CD207: variants seen among roughly 807,000 people sequenced by gnomAD.
CD207 encodes the protein C-type lectin domain family 4 member K.
Under a neutral mutation model 31.6 loss-of-function variants are expected in CD207, and 28 were observed. The observed-to-expected ratio is 0.89, with a 90% CI of 0.66 to 1.21. CD207 has a LOEUF of 1.21. Among genes scored for constraint, CD207 ranks in the 50% most tolerant of loss-of-function variants. The probability of loss-of-function intolerance (pLI) is 0.00; values close to 1 mark genes in which losing one functional copy is unlikely to be tolerated. For synonymous variants in CD207, 168 were observed against 153.9 expected, an observed-to-expected ratio of 1.09 and a Z score of -0.68; for missense variants, 388 against 397.8, an observed-to-expected ratio of 0.98 and a Z score of 0.21.
At chr2:70,835,044 G>A (rs545255033) in intron 2 of CD207, among the ~76,000 whole-genome samples, 19 of 152,348 alleles carry the variant, frequency 1.2e-4, no homozygotes, top group Admixed American at 2.0e-4. Context: ...TGGCTCGTTG[G>A]CCAGGCTCTC....
downstream of CD207, among the ~76,000 whole-genome samples, chr2:70,826,222 C>CTA (rs1553398868): frequency 6.6e-6 from 1 of 152,020 alleles, no homozygotes; most frequent in Non-Finnish European, 1.5e-5. Flanking sequence ...GCTTTAGAGT[C>CTA]TATGCTGGCA....
At chr2:70,835,212 C>G (rs1389458232) in intron 2 of CD207, among the ~76,000 whole-genome samples, 3 of 152,224 alleles carry the variant, frequency 2.0e-5, no homozygotes, top group Non-Finnish European at 4.4e-5. Flanking sequence ...GGATGTAAAA[C>G]TAGATCAATG....
chr2:70,824,300 T>C, the CD207 span, among the ~76,000 whole-genome samples: 91,179 of 151,162 alleles, frequency 0.6, 27,966 homozygotes, highest in Middle Eastern at 0.7. Context: ...TGGCTTTTAT[T>C]CCGTTCGTCT....
At chr2:70,827,462 C>T (rs1553399035), downstream of CD207, among the ~76,000 whole-genome samples, 1 of 152,220 alleles carries the variant, frequency 6.6e-6, no homozygotes, top group Non-Finnish European at 1.5e-5. Context: ...CATTGCCCTG[C>T]TGGGGGCTAC....
In CD207 at chr2:70,834,033, A is replaced by G. The variant is rs1372896914; in HGVS notation, c.191-13T>C. 2.7e-6 allele frequency: 4 copies of G among 1,503,152 alleles called. No homozygotes were observed. The highest frequency in any genetic ancestry group is 3.5e-6 in the Non-Finnish European group (4 of 1,127,594). The allele number at this position is 1,503,152 out of a possible 1,614,324, so 93.1% of individuals were successfully genotyped here. A position where few individuals can be genotyped will look rare whatever the true frequency, so the allele number is the denominator to read the frequency against. On this transcript the variant is annotated splice_polypyrimidine_tract_variant and intron_variant, in intron 2 of 5. Transcript: ENST00000410009. ...ATAAACCGGGGATCTGGGATTGAGA[A>G]AGTCAGGAGGTCAGCTGAGGGGAGT...
Position 70,835,530 on chromosome 2 carries a change from G to A in CD207, c.151C>T (p.Leu51=). The A allele has an allele frequency of 6.2e-7, 1 of 1,613,930 alleles. No homozygotes were observed. Among genetic ancestry groups the A allele is most frequent in the Non-Finnish European group, 8.5e-7 (1 of 1,179,866 alleles). Residue 51 remains leucine, a synonymous_variant, in exon 2 of 6, where the codon CTG becomes TTG. Coordinates refer to ENST00000410009, the MANE Select transcript of CD207 (RefSeq NM_015717.5). ...AGCAGGACGGAGGCGACCAGGACCAGCGTCAGGCAGATTAATGCAGCACGG... is the reference window on the plus strand; with the variant it reads ...AGCAGGACGGAGGCGACCAGGACCAACGTCAGGCAGATTAATGCAGCACGG... ...TVRAALICLT[L]VLVASVLLQA...
At position 70,831,752 on chromosome 2, in the gene CD207, C is replaced by T; in HGVS notation, c.785G>A (p.Gly262Glu). Residue 262 changes from glycine to glutamate, a missense_variant, in exon 5 of 6, where the codon GGG becomes GAG. Coordinates refer to ENST00000410009, the MANE Select transcript of CD207 (RefSeq NM_015717.5). ...CGTGTCATCCACCCAGGACCAGTCC[C>T]CTTCCATCCCTGCTTTAGTCAGGCC... Reference protein sequence around the residue: ...WIGLTKAGMEGDWSWVDDTPF... With the variant: ...WIGLTKAGMEEDWSWVDDTPF... 3.1e-6 allele frequency: 5 copies of T among 1,613,834 alleles called. No individual in the cohort carries two copies. The highest frequency in any genetic ancestry group is 1.1e-5 in the South Asian group (1 of 91,086).
chr2:70,824,703 A>G, the CD207 span, among the ~76,000 whole-genome samples: 1 of 151,124 alleles, frequency 6.6e-6, no homozygotes, highest in African/African-American at 2.4e-5. Flanking sequence ...CCAATGGCCA[A>G]AGCCAGAGCA....
intron 4 of CD207, among the ~76,000 whole-genome samples, chr2:70,832,387 C>T (rs543211956): frequency 1.3e-5 from 2 of 152,326 alleles, no homozygotes; most frequent in East Asian, 1.9e-4. Flanking sequence ...ATGAAAAGGG[C>T]CTGCCCAATT....
Position 70,831,013 on chromosome 2 carries a change from G to A in CD207, c.*37C>T, listed in dbSNP as rs144452787. On this transcript the variant is annotated 3_prime_UTR_variant, in exon 6 of 6. Transcript: ENST00000410009. ...AGGCATTTCCTCATGTTTAACAAGC[G>A]TTGGAGCTCAAAGAGTGAGCTTGGG... 17,435 of 1,582,048 alleles carry A rather than the reference G, an allele frequency of 0.011. 132 individuals carry two copies. Among genetic ancestry groups the A allele is most frequent in the Non-Finnish European group, 0.013 (15,414 of 1,157,884 alleles).
intron 4 of CD207, among the ~76,000 whole-genome samples, chr2:70,832,409 AG>A (rs1677498352): frequency 6.6e-6 from 1 of 152,196 alleles, no homozygotes; most frequent in South Asian, 2.1e-4. Flanking sequence ...CTGCCTCACC[AG>A]GCAGGAGACT....
the CD207 span, among the ~76,000 whole-genome samples, chr2:70,824,621 C>CAAAAAAAAAAAAAAAAAAAAAAA: frequency 1.0e-4 from 4 of 38,268 alleles, no homozygotes; most frequent in African/African-American, 1.9e-4. Flanking sequence ...TGCTTAGTTA[C>CAAAAAAAAAAAAAAAAAAAAAAA]CAAAAAAAAA....
intron 3 of CD207, 57 bp from the exon 4 acceptor site, chr2:70,833,108 C>T: frequency 1.3e-6 from 2 of 1,574,754 alleles, no homozygotes; most frequent in East Asian, 4.5e-5. Flanking sequence ...GGGATGCTGG[C>T]TTGGTGGGGG....
the CD207 span, among the ~76,000 whole-genome samples, chr2:70,825,161 C>T: frequency 1.3e-5 from 2 of 152,284 alleles, no homozygotes; most frequent in East Asian, 3.9e-4. Flanking sequence ...ATGAGAAAAA[C>T]ACCAGACAAA....
the CD207 span, among the ~76,000 whole-genome samples, chr2:70,824,835 G>A: frequency 2.0e-5 from 3 of 152,128 alleles, no homozygotes; most frequent in African/African-American, 7.2e-5. Context: ...TAAACAAATA[G>A]ATAAGTCTCT....
downstream of CD207, among the ~76,000 whole-genome samples, chr2:70,826,951 G>A (rs1359375767): frequency 6.6e-6 from 1 of 152,124 alleles, no homozygotes; most frequent in Non-Finnish European, 1.5e-5. Context: ...ACACTTCAAT[G>A]TTTCCTCCTT....
At chr2:70,827,656 A>C (rs968899488), downstream of CD207, among the ~76,000 whole-genome samples, 3 of 152,076 alleles carry the variant, frequency 2.0e-5, no homozygotes, top group African/African-American at 4.8e-5. Context: ...ACACACACAC[A>C]CCCCACCCAA....
chr2:70,828,438 T>C (rs1357290259), downstream of CD207, among the ~76,000 whole-genome samples: 1 of 152,140 alleles, frequency 6.6e-6, no homozygotes, highest in Non-Finnish European at 1.5e-5. Flanking sequence ...TAAAAACACA[T>C]CCTCACTGAC....
intron 4 of CD207, 118 bp from the exon 5 acceptor site, chr2:70,831,937 C>G (rs1553399896): frequency 2.9e-6 from 2 of 695,328 alleles, no homozygotes; most frequent in African/African-American, 3.5e-5. Flanking sequence ...GCTGCACAAA[C>G]TGGCCTCTCA....
Sources: allele counts gnomAD v4.1 joint callset (sites outside exome capture counted in the v4.1 genomes callset), GRCh38; gene constraint gnomAD v4.1.1; transcripts MANE v1.5; gene names NCBI Gene and HGNC (gene_info 2026-07-23, HGNC 2026-07-21).